Variants in LAPTM4B observed in about 807,000 individuals in gnomAD.
LAPTM4B encodes lysosomal protein transmembrane 4 beta, also known as lysosomal-associated transmembrane protein 4B.
In LAPTM4B, 26 loss-of-function variants were observed where a neutral mutation model predicts 28.5. That is an observed-to-expected ratio of 0.91 (90% CI 0.67 to 1.27). LAPTM4B has a LOEUF of 1.27. Ranked by LOEUF, LAPTM4B falls within the 50% of genes most tolerant of loss-of-function variation. The pLI is 0.00. For synonymous variants in LAPTM4B, 109 were observed against 106.4 expected, an observed-to-expected ratio of 1.02 and a Z score of -0.15; for missense variants, 288 against 285.8, an observed-to-expected ratio of 1.01 and a Z score of -0.06.
In LAPTM4B at chr8:97,783,611, TGA is replaced by T. The variant is rs137958989; in HGVS notation, c.99+7507_99+7508del. ...ACCTTGGAAAGATTAACCGAGAGAT[TGA>T]GAGTCTGACACCTTTGAAGGTCTAA... On this transcript the variant is annotated intron_variant, in intron 1 of 6. Coordinates refer to ENST00000521545, the MANE Select transcript of LAPTM4B (RefSeq NM_018407.6). Among the ~76,000 whole-genome samples the T allele has an allele frequency of 9.1e-4, 139 of 152,188 alleles. No individual in the cohort carries two copies. The East Asian group carries it at 0.025, about 27-fold the overall frequency.
chr8:97,819,116 T>C, intron 4 of LAPTM4B, 24 bp from the exon 5 acceptor site: 1 of 1,375,212 alleles, frequency 7.3e-7, no homozygotes, highest in Non-Finnish European at 1.0e-6. Context: ...TGAGATTTGC[T>C]AATGAGGCCC....
chr8:97,814,530 A>G (rs1816873254), intron 2 of LAPTM4B, among the ~76,000 whole-genome samples: 1 of 152,042 alleles, frequency 6.6e-6, no homozygotes, highest in African/African-American at 2.4e-5. Flanking sequence ...TCTCAAAAAA[A>G]TAAAAAGAAA....
chr8:97,829,947 G>A (rs574154381), intron 6 of LAPTM4B, among the ~76,000 whole-genome samples: 15 of 152,026 alleles, frequency 9.9e-5, no homozygotes, highest in Admixed American at 5.9e-4. Context: ...CACCTGCCTC[G>A]GCCTCCTAAT....
chr8:97,776,203 C>T, intron 1 of LAPTM4B, 95 bp downstream of exon 1: 1 of 1,310,730 alleles, frequency 7.6e-7, no homozygotes, highest in African/African-American at 1.6e-5. Context: ...GGCGTGCGCT[C>T]ATCCGCCTAA....
In LAPTM4B at chr8:97,840,991, G is replaced by A. The variant is rs189588742; in HGVS notation, c.604-10406G>A. On this transcript the variant is annotated intron_variant, in intron 6 of 6. Coordinates refer to ENST00000521545, the MANE Select transcript of LAPTM4B (RefSeq NM_018407.6). ...GGTGCTCCTCACTTCCCAGACGGTG[G>A]GGAGCTGGGTAGAGGCGCTCCTTAC... Among the ~76,000 whole-genome samples the A allele has an allele frequency of 3.4e-3, 519 of 151,144 alleles. 9 individuals carry two copies. The East Asian group carries it at 0.036, about 10-fold the overall frequency.
intron 1 of LAPTM4B, among the ~76,000 whole-genome samples, chr8:97,805,106 A>T (rs971134016): frequency 2.0e-5 from 3 of 152,134 alleles, no homozygotes; most frequent in Admixed American, 2.0e-4. Context: ...GGAATGAGGT[A>T]AAATCCTGCT....
At chr8:97,812,616 A>C (rs185642257) in intron 2 of LAPTM4B, among the ~76,000 whole-genome samples, 1 of 152,302 alleles carries the variant, frequency 6.6e-6, no homozygotes, top group East Asian at 1.9e-4. Context: ...CCATTTTACT[A>C]TTCTTCTCTA....
At chr8:97,776,706 T>G (rs1056937808) in intron 1 of LAPTM4B, among the ~76,000 whole-genome samples, 3 of 151,760 alleles carry the variant, frequency 2.0e-5, no homozygotes, top group African/African-American at 7.3e-5. Context: ...CCCCGATGTT[T>G]TAAAGCCCTT....
chr8:97,828,182 G>A (rs949421803), intron 6 of LAPTM4B, among the ~76,000 whole-genome samples: 2 of 152,124 alleles, frequency 1.3e-5, no homozygotes, highest in African/African-American at 2.4e-5. Context: ...GAAGTATGGA[G>A]AAAATTTATG....
chr8:97,781,278 C>CTTTTTTTTTTTTTTTTTTTTT (rs71271147), intron 1 of LAPTM4B, among the ~76,000 whole-genome samples: 3 of 50,840 alleles, frequency 5.9e-5, no homozygotes, highest in African/African-American at 3.3e-4. Context: ...TGTGCCCGGC[C>CTTTTTTTTTTTTTTTTTTTTT]TTTTTTTTTT....
chr8:97,780,412 C>T (rs1157548213), intron 1 of LAPTM4B, among the ~76,000 whole-genome samples: 2 of 151,948 alleles, frequency 1.3e-5, no homozygotes, highest in Non-Finnish European at 2.9e-5. Context: ...GCAACAAAAG[C>T]GAAACTCTGT....
At chr8:97,785,840 T>G (rs1174645929) in intron 1 of LAPTM4B, among the ~76,000 whole-genome samples, 2 of 152,212 alleles carry the variant, frequency 1.3e-5, no homozygotes, top group African/African-American at 4.8e-5. Context: ...AGAAAGTGAT[T>G]GCTGTATCGT....
At chr8:97,788,937 G>A (rs541420026) in intron 1 of LAPTM4B, among the ~76,000 whole-genome samples, 2 of 151,660 alleles carry the variant, frequency 1.3e-5, no homozygotes, top group Non-Finnish European at 2.9e-5. Context: ...CTCGTGATCC[G>A]CCCACCTCAG....
chr8:97,848,635 C>T lies in LAPTM4B; in HGVS notation c.604-2762C>T, dbSNP rs923302854. ...AAGAGTTCTACACCAGCCTGGGCAA[C>T]GTGGCAAGACCCCATCTCTATGTTT... On this transcript the variant is annotated intron_variant, in intron 6 of 6. Coordinates refer to ENST00000521545, the MANE Select transcript of LAPTM4B (RefSeq NM_018407.6). 1.1e-4 allele frequency among the ~76,000 whole-genome samples: 16 copies of T among 152,232 alleles called. No homozygotes were observed. The South Asian group carries it at 2.3e-3, about 22-fold the overall frequency.
intron 1 of LAPTM4B, among the ~76,000 whole-genome samples, chr8:97,786,958 G>A (rs945530677): frequency 7.2e-5 from 11 of 152,250 alleles, no homozygotes; most frequent in Admixed American, 2.0e-4. Flanking sequence ...TTCAGGGAGT[G>A]TTGGCCAACA....
chr8:97,840,975 C>T (rs1463661870), intron 6 of LAPTM4B, among the ~76,000 whole-genome samples: 1 of 150,842 alleles, frequency 6.6e-6, no homozygotes, highest in Non-Finnish European at 1.5e-5. Context: ...AGGTGCTCCT[C>T]ACTTCCCAGA....
intron 6 of LAPTM4B, among the ~76,000 whole-genome samples, chr8:97,846,639 A>G (rs1475883814): frequency 2.6e-5 from 4 of 152,082 alleles, no homozygotes; most frequent in African/African-American, 7.2e-5. Flanking sequence ...AATATTTTCT[A>G]TTTTTACCAA....
chr8:97,825,031 A>C (rs1183718426), intron 5 of LAPTM4B, 27 bp from the exon 6 acceptor site: 1 of 1,332,430 alleles, frequency 7.5e-7, no homozygotes, highest in African/African-American at 1.4e-5. Context: ...GAAAATTAAA[A>C]ATCTGATAAT....
At chr8:97,797,985 T>A (rs898083519) in intron 1 of LAPTM4B, among the ~76,000 whole-genome samples, 9 of 151,836 alleles carry the variant, frequency 5.9e-5, no homozygotes, top group African/African-American at 2.2e-4. Context: ...AAACAGACAA[T>A]GAAAACCCAA....
Sources: gnomAD v4.1 joint callset for allele counts (sites outside exome capture counted in the v4.1 genomes callset) on GRCh38, gnomAD v4.1.1 for gene constraint, MANE v1.5 for transcripts, NCBI Gene and HGNC (gene_info 2026-07-23, HGNC 2026-07-21) for gene names.